The following SF3B1 variants were observed in gnomAD, a reference collection of about 807,000 sequenced individuals.
The protein encoded by SF3B1 is pre-mRNA processing 10.
Under a neutral mutation model 153.8 loss-of-function variants are expected in SF3B1, and 12 were observed. The observed-to-expected ratio is 0.08, with a 90% CI of 0.05 to 0.13. The LOEUF (loss-of-function observed/expected upper bound fraction) is 0.13. Among genes scored for constraint, SF3B1 ranks in the 10% least tolerant of loss-of-function variants. The pLI, the probability that SF3B1 is intolerant of heterozygous loss-of-function variation, is 1.00. For synonymous variants in SF3B1, 498 were observed against 525.2 expected, an observed-to-expected ratio of 0.95 and a Z score of 0.71; for missense variants, 513 against 1,606.1, an observed-to-expected ratio of 0.32 and a Z score of 11.63.
intron 7 of SF3B1, among the ~76,000 whole-genome samples, chr2:197,408,948 T>A (rs1247785120): frequency 6.6e-6 from 1 of 151,850 alleles, no homozygotes; most frequent in Admixed American, 6.6e-5. Flanking sequence ...AAAAGTAAAT[T>A]TGATGTTATG....
At chr2:197,412,485 A>G (rs1259087884) in intron 6 of SF3B1, among the ~76,000 whole-genome samples, 2 of 151,434 alleles carry the variant, frequency 1.3e-5, no homozygotes, top group African/African-American at 4.9e-5. Context: ...CCTCCTGAGT[A>G]GCTGGGATTA....
At chr2:197,427,427 C>A (rs551351971) in intron 1 of SF3B1, among the ~76,000 whole-genome samples, 2 of 152,150 alleles carry the variant, frequency 1.3e-5, no homozygotes, top group African/African-American at 4.8e-5. Flanking sequence ...AAAATTAAGC[C>A]GTCAGATTCC....
chr2:197,434,952 A>G lies in SF3B1; in HGVS notation c.28+20T>C. 6.2e-7 allele frequency: 1 copy of G among 1,612,832 alleles called. No individual in the cohort carries two copies. Among genetic ancestry groups the G allele is most frequent in the Non-Finnish European group, 8.5e-7 (1 of 1,178,738 alleles). Reference sequence around the variant, plus strand: ...AGGCTAGCAACGAAGAAAACACGTAAGCAGGGAAAGACCGCTTACCTTCGT... The same window carrying G: ...AGGCTAGCAACGAAGAAAACACGTAGGCAGGGAAAGACCGCTTACCTTCGT... On this transcript the variant is annotated intron_variant, in intron 1 of 24. Coordinates refer to ENST00000335508, the MANE Select transcript of SF3B1 (RefSeq NM_012433.4).
At position 197,398,499 on chromosome 2, in the gene SF3B1, T is replaced by C. The variant is rs34532346; in HGVS notation, c.3096A>G (p.Gln1032=). Residue 1032 remains glutamine (Q), a synonymous_variant, in exon 21 of 25, where the codon CAA becomes CAG. Transcript: ENST00000335508. ...PILKNRHEKV[Q]ENCIDLVGRI... is the part of the protein sequence containing the mutation. ...GACCAACAAGATCAATACAATTCTCTTGTACTTTTTCATGTCTGTTCTTTA... is the reference window on the plus strand; with the variant it reads ...GACCAACAAGATCAATACAATTCTCCTGTACTTTTTCATGTCTGTTCTTTA... 5.8e-4 allele frequency: 932 copies of C among 1,613,852 alleles called. No individual in the cohort carries two copies. The highest frequency in any genetic ancestry group is 7.3e-4 in the Non-Finnish European group (866 of 1,179,826).
At chr2:197,407,323 G>C (rs1010886034) in intron 9 of SF3B1, among the ~76,000 whole-genome samples, 5 of 151,882 alleles carry the variant, frequency 3.3e-5, no homozygotes, top group Non-Finnish European at 7.4e-5. Flanking sequence ...ATGATAAAAA[G>C]GCCAGGCACG....
At chr2:197,418,882 T>A in intron 4 of SF3B1, 1 of 1,582,402 alleles carries the variant, frequency 6.3e-7, no homozygotes, top group Non-Finnish European at 8.6e-7. Flanking sequence ...GGGTTGCTAA[T>A]CCGGAATACG....
intron 4 of SF3B1, chr2:197,418,884 C>T (rs1553566352): frequency 5.1e-6 from 8 of 1,583,498 alleles, no homozygotes; most frequent in South Asian, 1.2e-5. Context: ...GTTGCTAATC[C>T]GGAATACGTA....
chr2:197,421,771 A>G (rs1290484129), intron 2 of SF3B1, among the ~76,000 whole-genome samples: 1 of 152,144 alleles, frequency 6.6e-6, no homozygotes, highest in Non-Finnish European at 1.5e-5. Context: ...TGAGCCCAGG[A>G]GTTCAAGACC....
intron 9 of SF3B1, among the ~76,000 whole-genome samples, chr2:197,405,900 T>C (rs1290252623): frequency 2.6e-5 from 4 of 152,060 alleles, no homozygotes; most frequent in African/African-American, 7.2e-5. Context: ...AGTATTAAAA[T>C]GTCACATAAA....
At chr2:197,397,880 T>C in intron 22 of SF3B1, 105 bp downstream of exon 22, 1 of 778,316 alleles carries the variant, frequency 1.3e-6, no homozygotes, top group Non-Finnish European at 2.1e-6. Context: ...AACTGCATTA[T>C]TCAGACCATG....
rs940712540 is a variant in SF3B1, at chr2:197,391,916, A to G, written c.*387T>C. The G allele has an allele frequency of 5.5e-6, 1 of 181,868 alleles. No homozygotes were observed. The highest frequency in any genetic ancestry group is 6.2e-5 in the Admixed American group (1 of 16,022). 11.3% of individuals were successfully genotyped at this position (181,868 alleles called of 1,614,324 possible). On this transcript the variant is annotated 3_prime_UTR_variant, in exon 25 of 25. Coordinates refer to ENST00000335508, the MANE Select transcript of SF3B1 (RefSeq NM_012433.4). ...AAATTAAGCCACTTATTCCACATAA[A>G]CCAATACTTTATCAAAGTTCCGCAT... is the stretch of plus-strand genomic sequence containing the variant.
chr2:197,405,498 G>C (rs1416396246), intron 9 of SF3B1, 26 bp from the exon 10 acceptor site: 8 of 1,528,364 alleles, frequency 5.2e-6, no homozygotes, highest in Non-Finnish European at 7.2e-6. Context: ...AGACAGTTTA[G>C]GATTTTCTTA....
At chr2:197,419,343 T>A in intron 4 of SF3B1, 1 of 256,902 alleles carries the variant, frequency 3.9e-6, no homozygotes, top group Non-Finnish European at 7.5e-6. Context: ...GTATTTGCTT[T>A]TCAAACTTCA....
At position 197,401,918 on chromosome 2, in the gene SF3B1, T is replaced by C. The variant is rs1462673834; in HGVS notation, c.2224-30A>G. 4.4e-6 allele frequency: 7 copies of C among 1,588,262 alleles called. No homozygotes were observed. Among genetic ancestry groups the C allele is most frequent in the African/African-American group, 4.1e-5 (3 of 73,104 alleles). On this transcript the variant is annotated intron_variant, in intron 15 of 24. Transcript: ENST00000335508. This position sits in a 1 kb window ranked among gnomAD's most constrained non-coding sequence, Gnocchi z 4.2. ...TTTTAAATAAAAAATATATGTACTT[T>C]AGTAATTTAGATTTATGTCGCCTTA...
rs1189770971 is a variant in SF3B1 at position 197,400,760 on chromosome 2, T to C, written c.2673A>G (p.Gln891=). ...AADIDHKLEE[Q]LIDGILYAFQ... is the part of the protein sequence containing the mutation. ...AAGCATAAAGAATACCATCAATCAG[T>C]TGTTCTTCAAGTTTATGATCAATAT... is the stretch of plus-strand genomic sequence containing the variant. The change falls in exon 18 of 25, where the codon CAA becomes CAG. Residue 891 remains glutamine (Q), a synonymous_variant. Coordinates refer to ENST00000335508, the MANE Select transcript of SF3B1 (RefSeq NM_012433.4). The surrounding 1 kb of genome is among the most constrained non-coding windows in gnomAD (Gnocchi z 5.0). The C allele has an allele frequency of 1.2e-6, 2 of 1,613,172 alleles. No individual in the cohort carries two copies. The highest frequency in any genetic ancestry group is 8.5e-7 in the Non-Finnish European group (1 of 1,179,410).
chr2:197,410,197 A>C (rs2085047567), intron 6 of SF3B1, among the ~76,000 whole-genome samples, 190 bp from the exon 7 acceptor site: 1 of 152,206 alleles, frequency 6.6e-6, no homozygotes, highest in South Asian at 2.1e-4. Flanking sequence ...GATTAAAAAC[A>C]ATGTAAAGTT....
intron 6 of SF3B1, among the ~76,000 whole-genome samples, chr2:197,414,420 A>T (rs772647565): frequency 2.0e-5 from 3 of 152,212 alleles, no homozygotes; most frequent in Non-Finnish European, 4.4e-5. Context: ...CAAAGTTCAG[A>T]GGTAAGAAGA....
At chr2:197,433,181 TC>T (rs1471287288) in intron 1 of SF3B1, among the ~76,000 whole-genome samples, 2 of 152,212 alleles carry the variant, frequency 1.3e-5, no homozygotes, top group East Asian at 3.8e-4. Flanking sequence ...ACATTTATCA[TC>T]CCCTGACATA....
chr2:197,392,591 AT>A (rs2084823942), intron 24 of SF3B1, 130 bp from the exon 25 acceptor site: 2 of 541,040 alleles, frequency 3.7e-6, no homozygotes, highest in South Asian at 2.2e-5. Context: ...GAACCTACTA[AT>A]TACACTGCTC....
Sources: allele counts gnomAD v4.1 joint callset (sites outside exome capture counted in the v4.1 genomes callset), GRCh38; gene constraint gnomAD v4.1.1; non-coding constraint Gnocchi (gnomAD v3.1); transcripts MANE v1.5; gene names NCBI Gene and HGNC (gene_info 2026-07-23, HGNC 2026-07-21).